The following DAOA variants were observed in gnomAD, a reference collection of about 807,000 sequenced individuals.
DAOA encodes the protein D-amino acid oxidase activator.
DAOA carries 15 observed loss-of-function variants against 16.4 expected under a neutral mutation model. The observed-to-expected ratio is 0.91, with a 90% confidence interval of 0.61 to 1.41. The LOEUF is 1.41. Ranked by LOEUF, DAOA falls within the 40% of genes most tolerant of loss-of-function variation. DAOA has a pLI of 0.00. For missense variants in DAOA, 230 were observed against 176.8 expected (o/e 1.30, Z -1.71); for synonymous variants, 75 against 59.1 (o/e 1.27, Z -1.23).
At chr13:105,470,041 A>G (rs964933570) in intron 3 of DAOA, among the ~76,000 whole-genome samples, 1 of 151,920 alleles carries the variant, frequency 6.6e-6, no homozygotes, top group African/African-American at 2.4e-5. Flanking sequence ...CTTCCTAACC[A>G]AAATTTGATC....
chr13:105,486,503 G>A (rs1878119553), intron 4 of DAOA, among the ~76,000 whole-genome samples: 1 of 152,058 alleles, frequency 6.6e-6, no homozygotes, highest in Non-Finnish European at 1.5e-5. Context: ...AACAGAGTGT[G>A]CTTATTTGCT....
At chr13:105,489,714 G>T in intron 4 of DAOA, 187 bp from the exon 5 acceptor site, 3 of 1,306,194 alleles carry the variant, frequency 2.3e-6, no homozygotes, top group Middle Eastern at 2.7e-4. Context: ...GTGGCAGTTA[G>T]ACCCTAAGTG....
At chr13:105,477,445 C>A (rs552400291) in intron 4 of DAOA, among the ~76,000 whole-genome samples, 1 of 152,208 alleles carries the variant, frequency 6.6e-6, no homozygotes, top group African/African-American at 2.4e-5. Context: ...AAATTAGAAA[C>A]TAACCAGGCA....
At chr13:105,475,280 T>G (rs1423998795) in intron 4 of DAOA, among the ~76,000 whole-genome samples, 1 of 152,198 alleles carries the variant, frequency 6.6e-6, no homozygotes, top group Non-Finnish European at 1.5e-5. Context: ...ACATTATCTT[T>G]CATCTTGAAA....
At chr13:105,471,029 C>T (rs1876912037) in intron 3 of DAOA, among the ~76,000 whole-genome samples, 1 of 152,110 alleles carries the variant, frequency 6.6e-6, no homozygotes, top group South Asian at 2.1e-4. Context: ...ACCTTGTGAT[C>T]CGCCCGCCTC....
rs181957413 is a variant in DAOA, at chr13:105,490,895, T to C, written c.*112-17T>C. 9.9e-5 allele frequency: 15 copies of C among 152,276 alleles called. No individual in the cohort carries two copies. The highest frequency in any genetic ancestry group is 3.6e-4 in the African/African-American group (15 of 41,564). The allele number at this position is 152,276 out of a possible 1,614,324, so 9.4% of individuals were successfully genotyped here. A position where few individuals can be genotyped will look rare whatever the true frequency, so the allele number is the denominator to read the frequency against. ...AAAAAAAGTTTTCTTATTATTGTTT[T>C]GTTTCCTTGTTTTTAGGTGATGGGA... On this transcript the variant is annotated splice_polypyrimidine_tract_variant and intron_variant, in intron 5 of 5. Transcript: ENST00000375936.
intron 4 of DAOA, among the ~76,000 whole-genome samples, chr13:105,476,817 GT>G (rs34491166): frequency 0.15 from 22,511 of 151,714 alleles, 1,764 homozygotes; most frequent in Non-Finnish European, 0.17. Context: ...CCCTGCCTCA[GT>G]TTCTCCAGGC....
At chr13:105,466,988 T>C in intron 2 of DAOA, 65 bp from the exon 3 acceptor site, 1 of 1,540,550 alleles carries the variant, frequency 6.5e-7, no homozygotes, top group Non-Finnish European at 8.7e-7. Context: ...ATGTTGCTTA[T>C]TCTTTCTCTC....
At chr13:105,475,490 T>C (rs1378384965) in intron 4 of DAOA, among the ~76,000 whole-genome samples, 1 of 151,826 alleles carries the variant, frequency 6.6e-6, no homozygotes, top group African/African-American at 2.4e-5. Context: ...GGTTCTCTTG[T>C]CAGAGGAGTT....
chr13:105,484,002 T>C (rs1328132077), intron 4 of DAOA, among the ~76,000 whole-genome samples: 2 of 152,134 alleles, frequency 1.3e-5, no homozygotes, highest in African/African-American at 4.8e-5. Context: ...TCCATGAGTT[T>C]TATAGTTAAA....
intron 4 of DAOA, 34 bp from the exon 5 acceptor site, chr13:105,489,867 A>G: frequency 6.2e-7 from 1 of 1,613,822 alleles, no homozygotes; most frequent in Non-Finnish European, 8.5e-7. Context: ...ACCTTTCACA[A>G]GACCTGGCCA....
intron 4 of DAOA, among the ~76,000 whole-genome samples, chr13:105,479,485 G>C (rs1187703759): frequency 1.3e-5 from 2 of 152,154 alleles, no homozygotes; most frequent in Non-Finnish European, 2.9e-5. Flanking sequence ...ACACAGGCTG[G>C]TTCCCACTGG....
At chr13:105,470,029 A>G (rs1205911849) in intron 3 of DAOA, among the ~76,000 whole-genome samples, 1 of 151,446 alleles carries the variant, frequency 6.6e-6, no homozygotes, top group Non-Finnish European at 1.5e-5. Context: ...TACTTGGTTA[A>G]TCTTCCTAAC....
intron 1 of DAOA, 47 bp from the exon 2 acceptor site, chr13:105,466,169 C>T: frequency 6.7e-7 from 1 of 1,493,448 alleles, no homozygotes; most frequent in Non-Finnish European, 9.0e-7. Context: ...AAATTAGTGG[C>T]TTAAAGTAAA....
At position 105,472,559 on chromosome 13, in the gene DAOA, G is replaced by T; in HGVS notation, c.155G>T (p.Arg52Ile). 6.2e-7 allele frequency: 1 copy of T among 1,613,984 alleles called. No homozygotes were observed. The highest frequency in any genetic ancestry group is 8.5e-7 in the Non-Finnish European group (1 of 1,179,902). Residue 52 changes from arginine to isoleucine, a missense_variant, in exon 4 of 6, where the codon AGA (arginine) becomes ATA (isoleucine). Arg to Ile is a moderately conservative substitution (Grantham distance 97, BLOSUM62 -3). Transcript: ENST00000375936. ...NSIAKETEEG[R>I]ETVTRKEGWK... ...GCAGCAAAGGAGACAGAAGAAGGAA[G>T]AGAGACGGTAACAAGGAAAGAAGGA... is the stretch of plus-strand genomic sequence containing the variant.
chr13:105,489,932 G>A lies in DAOA; in HGVS notation c.313G>A (p.Val105Ile). ...AGAAGTAAGCAGCCATGTTGGAAAA[G>A]TCTTCATGGCAAGAAACTATGAGTT... ...LEEVSSHVGK[V>I]FMARNYEFLA... The change falls in exon 5 of 6, where the codon GTC becomes ATC. Residue 105 changes from valine (V) to isoleucine (I), a missense_variant. Coordinates refer to ENST00000375936, the MANE Select transcript of DAOA (RefSeq NM_172370.5). 6.2e-7 allele frequency: 1 copy of A among 1,613,868 alleles called. No individual in the cohort carries two copies. The highest frequency in any genetic ancestry group is 8.5e-7 in the Non-Finnish European group (1 of 1,179,870).
At chr13:105,479,542 G>A (rs1473457562) in intron 4 of DAOA, among the ~76,000 whole-genome samples, 5 of 152,128 alleles carry the variant, frequency 3.3e-5, no homozygotes, top group East Asian at 3.9e-4. Context: ...GATGGTGGCC[G>A]GCAATGCGCC....
At chr13:105,488,862 A>G (rs1056992931) in intron 4 of DAOA, among the ~76,000 whole-genome samples, 8 of 152,204 alleles carry the variant, frequency 5.3e-5, no homozygotes, top group African/African-American at 1.9e-4. Flanking sequence ...TCAAACTGAG[A>G]AGATACTTTT....
chr13:105,483,853 T>C (rs1877922326), intron 4 of DAOA, among the ~76,000 whole-genome samples: 1 of 152,112 alleles, frequency 6.6e-6, no homozygotes, highest in Non-Finnish European at 1.5e-5. Flanking sequence ...TTCTTTGTTA[T>C]TTTTTGTTGT....
Sources: gnomAD v4.1 joint callset for allele counts (sites outside exome capture counted in the v4.1 genomes callset) on GRCh38, gnomAD v4.1.1 for gene constraint, MANE v1.5 for transcripts, NCBI Gene and HGNC (gene_info 2026-07-23, HGNC 2026-07-21) for gene names.